SLC17A9: variants seen among roughly 807,000 people sequenced by gnomAD.
SLC17A9 encodes solute carrier family 17 member 9.
Under a neutral mutation model 55.0 loss-of-function variants are expected in SLC17A9, and 49 were observed. The observed-to-expected ratio is 0.89, with a 90% CI of 0.71 to 1.13. The LOEUF (loss-of-function observed/expected upper bound fraction) is 1.13. Among genes scored for constraint, SLC17A9 ranks in the 50% most tolerant of loss-of-function variants. SLC17A9 has a pLI of 0.00. For missense variants in SLC17A9, 526 were observed against 569.3 expected (o/e 0.92, Z 0.77); for synonymous variants, 256 against 247.4 (o/e 1.03, Z -0.32).
In SLC17A9 at chr20:62,960,578, AT is replaced by A. The variant is rs144534537; in HGVS notation, c.473del (p.Ile158ThrfsTer12). ...RESERAFTYS[I>X]VGAGSQFGTL... ...GAGTGAGCGAGCCTTCACCTACAGC[AT>A]CGTGGGCGCCGGCTCCCAGTTTGGG... On this transcript the variant is annotated frameshift_variant, in exon 4 of 13. Transcript: ENST00000370351. LOFTEE classifies it high-confidence loss of function. 2.1e-4 allele frequency: 341 copies of A among 1,613,394 alleles called. 1 individual carries two copies. In the African/African-American group the frequency reaches 2.9e-3, roughly 14 times the overall value.
chr20:62,957,634 A>G lies in SLC17A9; in HGVS notation c.397+54A>G. On this transcript the variant is annotated intron_variant, in intron 3 of 12. Transcript: ENST00000370351. ...GCTCTCTGGCACCAGGTGGGGAGAC[A>G]AGGGGGGTGTGCACGGATGTGTGTG... 5 of 1,444,364 alleles carry G rather than the reference A, an allele frequency of 3.5e-6. No homozygotes were observed. The South Asian group carries it at 5.8e-5, about 17-fold the overall frequency. 89.5% of individuals were successfully genotyped at this position (1,444,364 alleles called of 1,614,324 possible).
chr20:62,965,385 AGCTTGCCCACGTC>A (rs758039752), intron 9 of SLC17A9, among the ~76,000 whole-genome samples: 115 of 152,316 alleles, frequency 7.6e-4, no homozygotes, highest in Admixed American at 1.2e-3. Flanking sequence ...CCCAGGCCTG[AGCTTGCCCACGTC>A]GAATAGGGCC....
In SLC17A9 at chr20:62,962,771, G is replaced by A. The variant is rs371136498; in HGVS notation, c.628+17G>A. 6.5e-5 allele frequency: 105 copies of A among 1,612,546 alleles called. No homozygotes were observed. The highest frequency in any genetic ancestry group is 5.1e-4 in the East Asian group (23 of 44,848). ...GTGAAAAAGGTAACGCAGGCCGGGC[G>A]GGCTAGTCCCGGGCGCCCACAGCTG... On this transcript the variant is annotated intron_variant, in intron 5 of 12. Coordinates refer to ENST00000370351, the MANE Select transcript of SLC17A9 (RefSeq NM_022082.4). This position sits in a 1 kb window ranked among gnomAD's most constrained non-coding sequence, Gnocchi z 5.5.
Position 62,966,628 on chromosome 20 carries a change from G to T in SLC17A9, c.1117+48G>T, listed in dbSNP as rs368277499. 3.1e-6 allele frequency: 5 copies of T among 1,613,806 alleles called. No homozygotes were observed. The African/African-American group carries it at 5.3e-5, about 17-fold the overall frequency. ...GCTTTGCCCCTCCCTGGGCCTCCGG[G>T]TGGGTGAGCCATGGGGGATCCCGGA... On this transcript the variant is annotated intron_variant, in intron 11 of 12. Transcript: ENST00000370351.
At chr20:62,957,324 T>G in intron 2 of SLC17A9, 117 bp from the exon 3 acceptor site, 1 of 1,494,232 alleles carries the variant, frequency 6.7e-7, no homozygotes, top group Non-Finnish European at 8.9e-7. Flanking sequence ...GCAGGCCCTG[T>G]AGAGGCAGAC....
At chr20:62,953,964 G>A (rs990684532) in intron 1 of SLC17A9, among the ~76,000 whole-genome samples, 7 of 152,370 alleles carry the variant, frequency 4.6e-5, no homozygotes, top group African/African-American at 1.4e-4. Context: ...CAGGCCTGCC[G>A]GGCAGGGCCA....
chr20:62,954,336 G>A (rs1444947029), intron 1 of SLC17A9, among the ~76,000 whole-genome samples: 1 of 152,214 alleles, frequency 6.6e-6, no homozygotes, highest in African/African-American at 2.4e-5. Context: ...AGAGCTGGAG[G>A]GCGGCACCCA....
At chr20:62,966,603 G>C in intron 11 of SLC17A9, 23 bp downstream of exon 11, 1 of 1,613,878 alleles carries the variant, frequency 6.2e-7, no homozygotes, top group Non-Finnish European at 8.5e-7. Context: ...CCTTACCCCA[G>C]CTTTGCCCCT....
chr20:62,965,398 C>T (rs1454394956), intron 9 of SLC17A9, among the ~76,000 whole-genome samples: 1 of 152,012 alleles, frequency 6.6e-6, no homozygotes, highest in Non-Finnish European at 1.5e-5. Context: ...TTGCCCACGT[C>T]GAATAGGGCC....
rs1216325128 is a variant in SLC17A9, at chr20:62,968,751, G to C, written c.*1251G>C. 3 of 152,220 alleles carry C rather than the reference G, an allele frequency of 2.0e-5. No individual in the cohort carries two copies. The highest frequency in any genetic ancestry group is 4.8e-5 in the African/African-American group (2 of 41,448). The allele number at this position is 152,220 out of a possible 1,614,324, so 9.4% of individuals were successfully genotyped here. ...TCCTAGGCCGGGAGTGTTGAAATGA[G>C]CATGCCAGCAGAGCCAGGCTGGGTT... On this transcript the variant is annotated 3_prime_UTR_variant, in exon 13 of 13. Coordinates refer to ENST00000370351, the MANE Select transcript of SLC17A9 (RefSeq NM_022082.4).
rs747794650 is a variant in SLC17A9 at position 62,964,222 on chromosome 20, C to T, written c.823-6C>T. 1 of 1,614,056 alleles carries T rather than the reference C, an allele frequency of 6.2e-7. No individual in the cohort carries two copies. The highest frequency in any genetic ancestry group is 1.1e-5 in the South Asian group (1 of 91,078). On this transcript the variant is annotated splice_polypyrimidine_tract_variant and splice_region_variant and intron_variant, in intron 7 of 12. Transcript: ENST00000370351. The stretch of plus-strand genomic sequence containing the variant: ...GCCCCCTCTAAGGCCAAACTCCCCC[C>T]TGCAGGGCTGGATCTTCAACGTGGT...
intron 1 of SLC17A9, chr20:62,953,339 C>A: frequency 6.6e-7 from 1 of 1,510,302 alleles, no homozygotes; most frequent in Non-Finnish European, 9.0e-7. Flanking sequence ...CACGTGCCAG[C>A]TGTGTGCTGA....
In SLC17A9 at chr20:62,967,554, AGGGGACTCAGTGTG is replaced by A; in HGVS notation, c.*55_*68del. The A allele has an allele frequency of 1.3e-6, 2 of 1,558,662 alleles. No homozygotes were observed. The highest frequency in any genetic ancestry group is 1.7e-6 in the Non-Finnish European group (2 of 1,147,906). ...CCAGGCGCCAGCAGCCCCAGGACAC[AGGGGACTCAGTGTG>A]TGGGACTTGGTCACTCCATGTCAGA... On this transcript the variant is annotated 3_prime_UTR_variant, in exon 13 of 13. Coordinates refer to ENST00000370351, the MANE Select transcript of SLC17A9 (RefSeq NM_022082.4).
chr20:62,965,228 A>G, intron 9 of SLC17A9, 62 bp downstream of exon 9: 1 of 1,608,836 alleles, frequency 6.2e-7, no homozygotes. Flanking sequence ...GTCTCCCAGG[A>G]ACTCAGGGTT....
At chr20:62,964,984 G>A (rs1177597091) in intron 8 of SLC17A9, 148 bp from the exon 9 acceptor site, 8 of 871,692 alleles carry the variant, frequency 9.2e-6, no homozygotes, top group African/African-American at 8.4e-5. Flanking sequence ...GTGTGCACAC[G>A]TTTTTGCCTG....
chr20:62,966,497 C>T, intron 10 of SLC17A9, 28 bp from the exon 11 acceptor site: 1 of 1,612,482 alleles, frequency 6.2e-7, no homozygotes, highest in Non-Finnish European at 8.5e-7. Flanking sequence ...TGGCCAGGGC[C>T]ACTCACCACC....
At chr20:62,955,326 T>C (rs891565231) in intron 1 of SLC17A9, among the ~76,000 whole-genome samples, 5 of 151,964 alleles carry the variant, frequency 3.3e-5, no homozygotes, top group Non-Finnish European at 7.4e-5. Context: ...TTTTACATTT[T>C]TAGTAGAGAT....
At chr20:62,955,221 C>A (rs1263067539) in intron 1 of SLC17A9, among the ~76,000 whole-genome samples, 4 of 151,194 alleles carry the variant, frequency 2.6e-5, no homozygotes, top group Non-Finnish European at 5.9e-5. Flanking sequence ...GATCTCGGTT[C>A]ACTGCAACCT....
At chr20:62,964,390 C>A in intron 8 of SLC17A9, 75 bp downstream of exon 8, 1 of 1,423,238 alleles carries the variant, frequency 7.0e-7, no homozygotes, top group Non-Finnish European at 9.9e-7. Flanking sequence ...AGGATGCTCC[C>A]ATCCTGGGGC....
Sources: allele counts gnomAD v4.1 joint callset (sites outside exome capture counted in the v4.1 genomes callset), GRCh38; gene constraint gnomAD v4.1.1; non-coding constraint Gnocchi (gnomAD v3.1); transcripts MANE v1.5; gene names NCBI Gene and HGNC (gene_info 2026-07-23, HGNC 2026-07-21).